Variants in CCDC7 observed in about 807,000 individuals in gnomAD.
The protein encoded by CCDC7 is coiled-coil domain containing 7, also known as coiled-coil domain-containing protein 7.
Under a neutral mutation model 196.9 loss-of-function variants are expected in CCDC7, and 183 were observed. That is an observed-to-expected ratio of 0.93 (90% confidence interval 0.82 to 1.05). The LOEUF is 1.05. Among genes scored for constraint, CCDC7 ranks in the 50% least tolerant of loss-of-function variants. CCDC7 has a pLI of 0.00. For missense variants in CCDC7, 1,540 were observed against 1,482.2 expected (o/e 1.04, Z -0.64); for synonymous variants, 525 against 484.6 (o/e 1.08, Z -1.10).
intron 20 of CCDC7, among the ~76,000 whole-genome samples, chr10:32,642,710 C>G (rs558703698): frequency 6.6e-6 from 1 of 152,186 alleles, no homozygotes; most frequent in Non-Finnish European, 1.5e-5. Context: ...CCCAGTACCT[C>G]GGTTGGAAAT....
At chr10:32,814,305 C>T (rs758729394) in intron 30 of CCDC7, 65 bp from the exon 32 acceptor site, 4 of 1,122,900 alleles carry the variant, frequency 3.6e-6, no homozygotes, top group Non-Finnish European at 5.4e-6. Flanking sequence ...TACATGCACT[C>T]ACACTGTCAC....
At chr10:32,784,599 G>C (rs534635485) in intron 29 of CCDC7, among the ~76,000 whole-genome samples, 1 of 152,184 alleles carries the variant, frequency 6.6e-6, no homozygotes, top group Non-Finnish European at 1.5e-5. Context: ...TTGAGACGAA[G>C]TCTCGCTCTG....
chr10:32,875,548 A>G (rs2094575138), intron 41 of CCDC7, among the ~76,000 whole-genome samples: 1 of 151,992 alleles, frequency 6.6e-6, no homozygotes, highest in African/African-American at 2.4e-5. Context: ...CTTGTATCAT[A>G]TCTTGAAAGT....
intron 21 of CCDC7, among the ~76,000 whole-genome samples, chr10:32,668,862 C>G (rs1303961554): frequency 6.6e-6 from 1 of 152,022 alleles, no homozygotes; most frequent in Non-Finnish European, 1.5e-5. Context: ...TTTTACTTCC[C>G]CCATCCAATT....
chr10:32,822,537 A>G (rs1315067459), intron 31 of CCDC7, among the ~76,000 whole-genome samples: 1 of 152,172 alleles, frequency 6.6e-6, no homozygotes, highest in Non-Finnish European at 1.5e-5. Context: ...AGTTATACAA[A>G]GAAATAATTA....
intron 33 of CCDC7, among the ~76,000 whole-genome samples, chr10:32,835,356 G>C (rs1354147719): frequency 6.6e-6 from 1 of 151,978 alleles, no homozygotes; most frequent in African/African-American, 2.4e-5. Flanking sequence ...AGGATAGTTA[G>C]ATCTTCTGGT....
At chr10:32,689,413 T>A (rs561236370) in intron 23 of CCDC7, among the ~76,000 whole-genome samples, 1 of 152,278 alleles carries the variant, frequency 6.6e-6, no homozygotes, top group South Asian at 2.1e-4. Context: ...CTTTCCAAAG[T>A]AGTGTGCCTT....
rs554588134 is a variant in CCDC7, at chr10:32,762,631, T to TA, written c.2906-16340dup. Among the ~76,000 whole-genome samples the TA allele has an allele frequency of 2.4e-3, 360 of 151,638 alleles. 1 individual carries two copies. The highest frequency in any genetic ancestry group is 4.3e-3 in the Non-Finnish European group (289 of 67,810). On this transcript the variant is annotated intron_variant, in intron 28 of 41. Coordinates refer to ENST00000639629, the Ensembl canonical transcript of CCDC7. ...TATAAAAATATTTTAAAAATATTTT[T>TA]AAAAAACAACTATGGTACTGGTATA...
chr10:32,460,149 T>A (rs2133599993), intron 3 of CCDC7, among the ~76,000 whole-genome samples: 1 of 152,302 alleles, frequency 6.6e-6, no homozygotes, highest in East Asian at 1.9e-4. Flanking sequence ...ATAAGCTCTG[T>A]ATATAAATAA....
chr10:32,674,144 G>A (rs1323942330), intron 21 of CCDC7, among the ~76,000 whole-genome samples: 2 of 149,118 alleles, frequency 1.3e-5, no homozygotes, highest in African/African-American at 4.9e-5. Flanking sequence ...GTGAACTTTG[G>A]CTTTAGTTTC....
chr10:32,639,057 C>T (rs1408866168), intron 20 of CCDC7, among the ~76,000 whole-genome samples: 1 of 152,170 alleles, frequency 6.6e-6, no homozygotes, highest in Non-Finnish European at 1.5e-5. Context: ...GTTTGTATTT[C>T]TGTGGGATCG....
At chr10:32,513,040 T>C (rs2046462657) in intron 9 of CCDC7, 1 of 152,132 alleles carries the variant, frequency 6.6e-6, no homozygotes, top group Non-Finnish European at 1.5e-5. Flanking sequence ...GTGTATGCCA[T>C]GTTATATAGC....
intron 15 of CCDC7, among the ~76,000 whole-genome samples, chr10:32,570,068 GA>G (rs1379438169): frequency 6.6e-6 from 1 of 151,976 alleles, no homozygotes; most frequent in Non-Finnish European, 1.5e-5. Flanking sequence ...CTAATTTCCA[GA>G]CCTGTTATTC....
intron 9 of CCDC7, among the ~76,000 whole-genome samples, chr10:32,498,026 C>G (rs1377257623): frequency 1.3e-5 from 2 of 152,074 alleles, no homozygotes; most frequent in African/African-American, 2.4e-5. Context: ...GTGTGGGAGT[C>G]TAAGTCTCTT....
chr10:32,610,238 G>T (rs2061958932), intron 18 of CCDC7, among the ~76,000 whole-genome samples: 1 of 151,916 alleles, frequency 6.6e-6, no homozygotes, highest in Non-Finnish European at 1.5e-5. Flanking sequence ...CCGAGTAGCT[G>T]GGGCTACAGG....
chr10:32,591,476 T>G (rs72795563), intron 18 of CCDC7, among the ~76,000 whole-genome samples: 17,173 of 151,644 alleles, frequency 0.11, 1,168 homozygotes, highest in South Asian at 0.27. Flanking sequence ...AATTTAAGAG[T>G]TTTTGTTAGT....
At chr10:32,566,062 T>C (rs2056739681) in intron 14 of CCDC7, among the ~76,000 whole-genome samples, 1 of 152,142 alleles carries the variant, frequency 6.6e-6, no homozygotes, top group South Asian at 2.1e-4. Flanking sequence ...AAAAAAGCTA[T>C]AAGCATTTCA....
At chr10:32,622,460 A>G in intron 18 of CCDC7, among the ~76,000 whole-genome samples, 1 of 151,952 alleles carries the variant, frequency 6.6e-6, no homozygotes, top group South Asian at 2.1e-4. Context: ...GCAAATTTGT[A>G]GTTAAGAATA....
chr10:32,740,715 T>A (rs2085683779), intron 28 of CCDC7, among the ~76,000 whole-genome samples: 1 of 152,230 alleles, frequency 6.6e-6, no homozygotes, highest in Non-Finnish European at 1.5e-5. Flanking sequence ...AAAGACTATC[T>A]GTTTTGGTGG....
Sources: allele counts gnomAD v4.1 joint callset (sites outside exome capture counted in the v4.1 genomes callset), GRCh38; gene constraint gnomAD v4.1.1; transcripts MANE v1.5; gene names NCBI Gene and HGNC (gene_info 2026-07-23, HGNC 2026-07-21).